Variants in CBFA2T3 observed in about 807,000 individuals in gnomAD.
CBFA2T3 encodes transcriptional corepressor CBFA2T3.
In CBFA2T3, 31 loss-of-function variants were observed where a neutral mutation model predicts 58.6. The observed-to-expected ratio is 0.53, with a 90% CI of 0.40 to 0.71. The LOEUF (loss-of-function observed/expected upper bound fraction) is 0.71, where lower values mean the gene tolerates loss of function less well. CBFA2T3 is among the 30% of genes least tolerant of loss of function. The probability of loss-of-function intolerance (pLI) is 0.00; values close to 1 mark genes in which losing one functional copy is unlikely to be tolerated. For missense variants in CBFA2T3, 1,076 were observed against 963.1 expected (o/e 1.12, Z -1.55); for synonymous variants, 531 against 421.9 (o/e 1.26, Z -3.17).
At chr16:88,894,695 T>C (rs1427925204) in intron 3 of CBFA2T3, among the ~76,000 whole-genome samples, 1 of 152,206 alleles carries the variant, frequency 6.6e-6, no homozygotes, top group Non-Finnish European at 1.5e-5. Flanking sequence ...CTCCAGGGGA[T>C]CCACCCCTCA....
At chr16:88,898,044 T>A in intron 3 of CBFA2T3, 34 bp downstream of exon 3, 1 of 1,521,670 alleles carries the variant, frequency 6.6e-7, no homozygotes, top group Non-Finnish European at 9.1e-7. Context: ...TGAAGACCTC[T>A]GGGGAGGCCT....
Position 88,921,937 on chromosome 16 carries a change from C to T in CBFA2T3, c.152-20281G>A, listed in dbSNP as rs932585222. Among the ~76,000 whole-genome samples, 9 of 152,374 alleles carry T rather than the reference C, an allele frequency of 5.9e-5. 1 individual carries two copies. The Middle Eastern group carries it at 0.017, about 288-fold the overall frequency. ...GTCTCACCCAGACCTCTCTGCGCGG[C>T]GCATTTTGACTCCCAGTTCACACGT... On this transcript the variant is annotated intron_variant, in intron 1 of 11. Coordinates refer to ENST00000268679, the MANE Select transcript of CBFA2T3 (RefSeq NM_005187.6).
intron 1 of CBFA2T3, among the ~76,000 whole-genome samples, chr16:88,916,526 G>C (rs1007249812): frequency 2.6e-5 from 4 of 152,060 alleles, no homozygotes; most frequent in African/African-American, 9.7e-5. Context: ...ATGTTGTCTG[G>C]TAAGGGCTGT....
chr16:88,881,660 C>A, intron 8 of CBFA2T3, 171 bp from the exon 9 acceptor site: 1 of 643,978 alleles, frequency 1.6e-6, no homozygotes, highest in Non-Finnish European at 2.6e-6. Context: ...AAAGATGGGT[C>A]CCTAGCCTGG....
intron 1 of CBFA2T3, among the ~76,000 whole-genome samples, chr16:88,963,072 G>A (rs1005039235): frequency 2.0e-5 from 3 of 152,200 alleles, no homozygotes; most frequent in African/African-American, 7.2e-5. Flanking sequence ...GGGGCCCTGG[G>A]CAGATGCGTA....
In CBFA2T3 at chr16:88,953,679, G is replaced by A. The variant is rs937584356; in HGVS notation, c.151+22978C>T. ...CTGTGTGTGGCTTGGATGCCAAAGCGCCTTTTGCTGTATTCGGCACCCTGA... is the reference window on the plus strand; with the variant it reads ...CTGTGTGTGGCTTGGATGCCAAAGCACCTTTTGCTGTATTCGGCACCCTGA... On this transcript the variant is annotated intron_variant, in intron 1 of 11. Coordinates refer to ENST00000268679, the MANE Select transcript of CBFA2T3 (RefSeq NM_005187.6). The surrounding 1 kb of genome is among the most constrained non-coding windows in gnomAD (Gnocchi z 4.9). Among the ~76,000 whole-genome samples, 5 of 152,158 alleles carry A rather than the reference G, an allele frequency of 3.3e-5. No homozygotes were observed. Among genetic ancestry groups the A allele is most frequent in the South Asian group, 4.1e-4 (2 of 4,832 alleles).
intron 1 of CBFA2T3, among the ~76,000 whole-genome samples, chr16:88,922,997 GACCAGCTCT>G (rs1365353833): frequency 2.0e-5 from 3 of 151,304 alleles, no homozygotes; most frequent in South Asian, 4.2e-4. Flanking sequence ...GCTGGGACCC[GACCAGCTCT>G]ACACGGCTCT....
chr16:88,917,917 C>T (rs960349088), intron 1 of CBFA2T3, among the ~76,000 whole-genome samples: 15 of 152,152 alleles, frequency 9.9e-5, no homozygotes, highest in African/African-American at 2.9e-4. Flanking sequence ...TCTGTCCCTC[C>T]GGGGTGCGTG....
chr16:88,902,489 G>C (rs183732540), intron 1 of CBFA2T3: 1 of 152,202 alleles, frequency 6.6e-6, no homozygotes, highest in Non-Finnish European at 1.5e-5. Context: ...GTCCGGAGAC[G>C]GCAGGAAAAC....
intron 8 of CBFA2T3, among the ~76,000 whole-genome samples, chr16:88,882,246 C>G (rs1360881888): frequency 6.6e-6 from 1 of 152,228 alleles, no homozygotes; most frequent in East Asian, 1.9e-4. Flanking sequence ...AGCCCCAGGC[C>G]CCATGGGGCA....
intron 8 of CBFA2T3, among the ~76,000 whole-genome samples, chr16:88,882,289 G>A (rs1969117825): frequency 2.0e-5 from 3 of 152,258 alleles, no homozygotes; most frequent in Admixed American, 2.0e-4. Context: ...TAGGCATACA[G>A]GTGTGGCTGT....
intron 1 of CBFA2T3, among the ~76,000 whole-genome samples, chr16:88,916,514 G>C (rs957879489): frequency 6.6e-6 from 1 of 152,124 alleles, no homozygotes; most frequent in East Asian, 1.9e-4. Flanking sequence ...TGTTGCGTGT[G>C]CATGTTGTCT....
At chr16:88,918,228 G>A (rs1970801143) in intron 1 of CBFA2T3, among the ~76,000 whole-genome samples, 1 of 152,210 alleles carries the variant, frequency 6.6e-6, no homozygotes, top group Admixed American at 6.5e-5. Context: ...GCGCACAAAT[G>A]GCCTTTTGCT....
intron 3 of CBFA2T3, among the ~76,000 whole-genome samples, chr16:88,897,328 G>A (rs973853604): frequency 1.3e-5 from 2 of 152,266 alleles, no homozygotes; most frequent in Non-Finnish European, 1.5e-5. Context: ...CGTTCTTAGA[G>A]CCGGGAGTGC....
intron 1 of CBFA2T3, among the ~76,000 whole-genome samples, chr16:88,968,360 C>G (rs1031410149): frequency 6.6e-6 from 1 of 152,238 alleles, no homozygotes; most frequent in Non-Finnish European, 1.5e-5. Context: ...GAGAGCCCCC[C>G]AGGTGGGGAC....
intron 1 of CBFA2T3, among the ~76,000 whole-genome samples, chr16:88,902,191 C>T (rs1970125032): frequency 6.6e-6 from 1 of 152,204 alleles, no homozygotes; most frequent in Non-Finnish European, 1.5e-5. Context: ...GAAGGCTCCC[C>T]TGGGCTGGGG....
chr16:88,901,690 G>A lies in CBFA2T3; in HGVS notation c.152-34C>T, dbSNP rs770444257. On this transcript the variant is annotated intron_variant, in intron 1 of 11. Transcript: ENST00000268679. Reference sequence around the variant, plus strand: ...AACGGAGAAAGAAAGAGTCGGTGAAGCAGGCTAAGTGCAAAGGCCAGGGCC... The same window carrying A: ...AACGGAGAAAGAAAGAGTCGGTGAAACAGGCTAAGTGCAAAGGCCAGGGCC... The A allele has an allele frequency of 5.3e-6, 8 of 1,513,446 alleles. No individual in the cohort carries two copies. The Admixed American group carries it at 7.8e-5, about 15-fold the overall frequency. The allele number at this position is 1,513,446 out of a possible 1,614,324, so 93.8% of individuals were successfully genotyped here. A position where few individuals can be genotyped will look rare whatever the true frequency, so the allele number is the denominator to read the frequency against.
At chr16:88,907,914 G>A (rs1156577831) in intron 1 of CBFA2T3, among the ~76,000 whole-genome samples, 1 of 152,334 alleles carries the variant, frequency 6.6e-6, no homozygotes, top group South Asian at 2.1e-4. Flanking sequence ...CCCTCTATGC[G>A]GTTTTCCCCA....
chr16:88,968,799 C>T (rs149882583), intron 1 of CBFA2T3, among the ~76,000 whole-genome samples: 2 of 152,292 alleles, frequency 1.3e-5, no homozygotes, highest in Non-Finnish European at 2.9e-5. Context: ...CTGCACCCTG[C>T]GCCTGGCACG....
Sources: allele counts gnomAD v4.1 joint callset (sites outside exome capture counted in the v4.1 genomes callset), GRCh38; gene constraint gnomAD v4.1.1; non-coding constraint Gnocchi (gnomAD v3.1); transcripts MANE v1.5; gene names NCBI Gene and HGNC (gene_info 2026-07-23, HGNC 2026-07-21).